RASA1: variants seen among roughly 807,000 people sequenced by gnomAD.
RASA1 encodes the protein RAS p21 protein activator 1, also known as ras GTPase-activating protein 1.
A neutral mutation model predicts 132.2 loss-of-function variants in RASA1; 25 were observed. The observed-to-expected ratio is 0.19, with a 90% CI of 0.14 to 0.26. RASA1 has a LOEUF of 0.26. Among genes scored for constraint, RASA1 ranks in the 10% least tolerant of loss-of-function variants. The probability of loss-of-function intolerance (pLI) is 1.00; values close to 1 mark genes in which losing one functional copy is unlikely to be tolerated. For synonymous variants in RASA1, 477 were observed against 449.9 expected, an observed-to-expected ratio of 1.06 and a Z score of -0.76; for missense variants, 964 against 1,299.2, an observed-to-expected ratio of 0.74 and a Z score of 3.97.
intron 20 of RASA1, among the ~76,000 whole-genome samples, chr5:87,382,011 G>C (rs576173095): frequency 6.6e-6 from 1 of 152,250 alleles, no homozygotes; most frequent in African/African-American, 2.4e-5. Flanking sequence ...GAGTGCAGTG[G>C]TGTGATTTCG....
In RASA1 at chr5:87,363,330, AT is replaced by A. The variant is rs60835976; in HGVS notation, c.1454-7del. ...ACAATTGTTTGGCTAAGAGAAAACA[AT>A]TTTTTTTTTTAAACAGGCAAAGGAA... On this transcript the variant is annotated splice_polypyrimidine_tract_variant and intron_variant, in intron 10 of 24. Transcript: ENST00000274376. The A allele has an allele frequency of 0.026, 35,260 of 1,349,700 alleles. 588 individuals are homozygous for A. Among genetic ancestry groups the A allele is most frequent in the African/African-American group, 0.083 (5,706 of 68,812 alleles). 83.6% of individuals were successfully genotyped at this position (1,349,700 alleles called of 1,614,324 possible).
At chr5:87,280,211 C>T (rs1754255021) in intron 1 of RASA1, among the ~76,000 whole-genome samples, 1 of 152,204 alleles carries the variant, frequency 6.6e-6, no homozygotes, top group Non-Finnish European at 1.5e-5. Context: ...CTCACAGACA[C>T]ACCCAGAAAC....
intron 1 of RASA1, among the ~76,000 whole-genome samples, chr5:87,307,087 T>TCC (rs1755651819): frequency 6.6e-6 from 1 of 152,200 alleles, no homozygotes; most frequent in Non-Finnish European, 1.5e-5. Context: ...CAGGCTGGTA[T>TCC]TGAACTCCTG....
At chr5:87,304,800 C>G (rs1313937602) in intron 1 of RASA1, among the ~76,000 whole-genome samples, 4 of 152,090 alleles carry the variant, frequency 2.6e-5, no homozygotes, top group Admixed American at 2.6e-4. Flanking sequence ...TTAGATATTA[C>G]TGCTTTGTAC....
intron 4 of RASA1, among the ~76,000 whole-genome samples, chr5:87,334,995 G>A (rs776339125): frequency 1.3e-4 from 19 of 151,812 alleles, no homozygotes; most frequent in Non-Finnish European, 2.4e-4. Flanking sequence ...GGGATTCTTT[G>A]CCTCGGTCTT....
intron 10 of RASA1, 87 bp downstream of exon 10, chr5:87,362,758 G>C (rs1760211869): frequency 2.1e-6 from 3 of 1,459,606 alleles, no homozygotes; most frequent in Non-Finnish European, 2.9e-6. Flanking sequence ...TATTTAATAA[G>C]TTTTGACATG....
intron 4 of RASA1, 95 bp from the exon 5 acceptor site, chr5:87,337,879 T>C (rs1296276157): frequency 7.7e-7 from 1 of 1,296,310 alleles, no homozygotes; most frequent in African/African-American, 1.5e-5. Context: ...TTTTTCAATA[T>C]AATACTATCC....
intron 17 of RASA1, among the ~76,000 whole-genome samples, chr5:87,378,063 G>A (rs76494603): frequency 6.6e-6 from 1 of 152,158 alleles, no homozygotes; most frequent in Non-Finnish European, 1.5e-5. Flanking sequence ...GGGTCAATGG[G>A]CAGCAAAGCT....
chr5:87,317,998 AT>A (rs1457740074), intron 1 of RASA1, among the ~76,000 whole-genome samples: 1 of 151,964 alleles, frequency 6.6e-6, no homozygotes, highest in African/African-American at 2.4e-5. Context: ...CTTTTCAAAT[AT>A]CCCCCCTTTA....
chr5:87,297,916 AGTTTCTGCTTGTGG>A (rs1418589754), intron 1 of RASA1, among the ~76,000 whole-genome samples: 1 of 151,988 alleles, frequency 6.6e-6, no homozygotes, highest in Admixed American at 6.6e-5. Flanking sequence ...TTCCCAAGGA[AGTTTCTGCTTGTGG>A]GTTTCTGCTC....
chr5:87,281,328 G>A (rs750968957), intron 1 of RASA1, among the ~76,000 whole-genome samples: 7 of 149,292 alleles, frequency 4.7e-5, no homozygotes, highest in Admixed American at 1.3e-4. Context: ...CTGCAATCTC[G>A]TCTCACTGCA....
At chr5:87,340,014 G>A (rs1026262669) in intron 5 of RASA1, among the ~76,000 whole-genome samples, 1 of 152,120 alleles carries the variant, frequency 6.6e-6, no homozygotes, top group Non-Finnish European at 1.5e-5. Flanking sequence ...ACTCTAGAAT[G>A]TATGCTCTCT....
chr5:87,276,394 T>TA (rs1209605852), intron 1 of RASA1, among the ~76,000 whole-genome samples: 1 of 152,206 alleles, frequency 6.6e-6, no homozygotes, highest in East Asian at 1.9e-4. Context: ...AAAATTGTTG[T>TA]TATTAGATAC....
chr5:87,370,424 G>T (rs1163087818), intron 12 of RASA1, among the ~76,000 whole-genome samples: 1 of 152,154 alleles, frequency 6.6e-6, no homozygotes, highest in Non-Finnish European at 1.5e-5. Flanking sequence ...TTAAGTAATT[G>T]TGTGAAGAAA....
At chr5:87,305,887 A>C (rs889185060) in intron 1 of RASA1, among the ~76,000 whole-genome samples, 1 of 152,256 alleles carries the variant, frequency 6.6e-6, no homozygotes, top group African/African-American at 2.4e-5. Flanking sequence ...AAAGCTCAAC[A>C]TCACTGATCA....
At chr5:87,344,890 C>T (rs1023796953) in intron 6 of RASA1, among the ~76,000 whole-genome samples, 4 of 152,042 alleles carry the variant, frequency 2.6e-5, no homozygotes, top group Non-Finnish European at 4.4e-5. Context: ...GCTCATTCAT[C>T]ACTTCCCCCT....
chr5:87,388,022 C>T (rs1014585510), intron 23 of RASA1, among the ~76,000 whole-genome samples: 9 of 152,162 alleles, frequency 5.9e-5, no homozygotes, highest in African/African-American at 2.2e-4. Context: ...GAAGACCCAC[C>T]TCAATTATTA....
At chr5:87,324,873 G>A (rs1389719079) in intron 1 of RASA1, among the ~76,000 whole-genome samples, 2 of 151,902 alleles carry the variant, frequency 1.3e-5, no homozygotes, top group East Asian at 3.9e-4. Context: ...GAAAAAAAAG[G>A]CCAAGTAAAG....
At chr5:87,304,930 CTT>C (rs1755539255) in intron 1 of RASA1, among the ~76,000 whole-genome samples, 2 of 46,554 alleles carry the variant, frequency 4.3e-5, no homozygotes, top group African/African-American at 1.6e-4. Context: ...TGTGTAACTT[CTT>C]TTAGTCCTTT....
Sources: allele counts gnomAD v4.1 joint callset (sites outside exome capture counted in the v4.1 genomes callset), GRCh38; gene constraint gnomAD v4.1.1; transcripts MANE v1.5; gene names NCBI Gene and HGNC (gene_info 2026-07-23, HGNC 2026-07-21).